RBFOX1: variants seen among roughly 807,000 people sequenced by gnomAD.
RBFOX1 encodes the protein RNA binding protein fox-1 homolog 1.
RBFOX1 carries 8 observed loss-of-function variants against 57.7 expected under a neutral mutation model. The ratio of observed to expected loss-of-function variants is 0.14; its 90% CI spans 0.08 to 0.25. RBFOX1 has a LOEUF of 0.25. Among genes scored for constraint, RBFOX1 ranks in the 10% least tolerant of loss-of-function variants. The probability of loss-of-function intolerance (pLI) is 1.00; values close to 1 mark genes in which losing one functional copy is unlikely to be tolerated. For missense variants in RBFOX1, 611 were observed against 548.5 expected (o/e 1.11, Z -1.14); for synonymous variants, 326 against 222.4 (o/e 1.47, Z -4.15).
intron 1 of RBFOX1, among the ~76,000 whole-genome samples, chr16:6,245,848 T>G (rs1463178472): frequency 6.6e-6 from 1 of 152,212 alleles, no homozygotes; most frequent in African/African-American, 2.4e-5. Flanking sequence ...TTCCCTGCCT[T>G]CATCAGGATC....
intron 4 of RBFOX1, among the ~76,000 whole-genome samples, chr16:7,083,056 G>A (rs1366512852): frequency 2.0e-5 from 3 of 152,042 alleles, no homozygotes; most frequent in Non-Finnish European, 4.4e-5. Flanking sequence ...AAGGTTTTGG[G>A]AGTGACAATA....
At chr16:5,457,175 C>T (rs952688121) in intron 1 of RBFOX1, among the ~76,000 whole-genome samples, 6 of 152,082 alleles carry the variant, frequency 3.9e-5, no homozygotes, top group African/African-American at 1.2e-4. Flanking sequence ...CTTGTTCTGC[C>T]ACCCAGACTG....
chr16:7,110,501 G>C (rs1303136283), intron 4 of RBFOX1, among the ~76,000 whole-genome samples: 1 of 152,176 alleles, frequency 6.6e-6, no homozygotes, highest in Non-Finnish European at 1.5e-5. Context: ...GAGAGCCTGA[G>C]CACAGTAGTT....
At chr16:5,801,882 G>A (rs1265610723) in intron 3 of RBFOX1, among the ~76,000 whole-genome samples, 6 of 152,156 alleles carry the variant, frequency 3.9e-5, no homozygotes, top group Admixed American at 3.9e-4. Context: ...TGTATGCAGG[G>A]CAGCTCTATA....
At chr16:7,262,534 T>A (rs1474269896) in intron 4 of RBFOX1, among the ~76,000 whole-genome samples, 1 of 152,272 alleles carries the variant, frequency 6.6e-6, no homozygotes, top group Non-Finnish European at 1.5e-5. Context: ...TTTGCAGGCA[T>A]GCATAGCACC....
chr16:6,076,884 C>G (rs781021097), intron 1 of RBFOX1, among the ~76,000 whole-genome samples: 7 of 152,146 alleles, frequency 4.6e-5, no homozygotes, highest in Non-Finnish European at 8.8e-5. Flanking sequence ...GGCTCCAAAG[C>G]TCTGGCTCAA....
chr16:7,662,658 A>C (rs193126405), intron 12 of RBFOX1, among the ~76,000 whole-genome samples: 23 of 152,318 alleles, frequency 1.5e-4, no homozygotes, highest in African/African-American at 5.3e-4. Flanking sequence ...AGTGGCTCTG[A>C]TAAGAGTCTG....
chr16:6,442,605 C>A (rs2094407796), intron 2 of RBFOX1, among the ~76,000 whole-genome samples: 1 of 151,894 alleles, frequency 6.6e-6, no homozygotes, highest in Admixed American at 6.6e-5. Context: ...CTGCTGTCTT[C>A]CTTCTCGTAA....
chr16:5,829,692 A>G (rs2056197402), intron 3 of RBFOX1, among the ~76,000 whole-genome samples: 1 of 152,134 alleles, frequency 6.6e-6, no homozygotes, highest in Admixed American at 6.5e-5. Flanking sequence ...ACGCAAGAGA[A>G]CAAAGGCATT....
chr16:5,548,728 C>A (rs4442812), intron 2 of RBFOX1, among the ~76,000 whole-genome samples: 40 of 152,086 alleles, frequency 2.6e-4, no homozygotes, highest in African/African-American at 9.6e-4. Flanking sequence ...ATTTCACTGT[C>A]TTGAGTGAGA....
chr16:5,920,099 A>C (rs2058789331), intron 4 of RBFOX1, among the ~76,000 whole-genome samples: 1 of 152,026 alleles, frequency 6.6e-6, no homozygotes, highest in African/African-American at 2.4e-5. Context: ...ACACCCAGCT[A>C]ATTTTTTGCA....
At chr16:5,939,508 C>G (rs371508801) in intron 4 of RBFOX1, among the ~76,000 whole-genome samples, 1 of 152,168 alleles carries the variant, frequency 6.6e-6, no homozygotes, top group African/African-American at 2.4e-5. Context: ...ACAGGACTGT[C>G]TGAGCATCCT....
At position 7,513,720 on chromosome 16, in the gene RBFOX1, C is replaced by T. The variant is rs553274382; in HGVS notation, c.28-4427C>T. On this transcript the variant is annotated intron_variant, in intron 4 of 15. Coordinates refer to ENST00000550418, the MANE Select transcript of RBFOX1 (RefSeq NM_018723.4). ...TATGAGGCGCCCAGCACAGTGCCTG[C>T]CACCTATTAGGTTTTCTTCTGAGGA... Among the ~76,000 whole-genome samples the T allele has an allele frequency of 2.6e-5, 4 of 152,252 alleles. 1 individual carries two copies. Among genetic ancestry groups the T allele is most frequent in the African/African-American group, 9.6e-5 (4 of 41,564 alleles).
chr16:7,571,306 TCAGA>T (rs1679691351), intron 5 of RBFOX1, among the ~76,000 whole-genome samples: 1 of 152,028 alleles, frequency 6.6e-6, no homozygotes, highest in Admixed American at 6.6e-5. Flanking sequence ...CTCCCTAGGG[TCAGA>T]CAGAGGAAAC....
At chr16:7,329,296 C>G (rs573660344) in intron 4 of RBFOX1, among the ~76,000 whole-genome samples, 5 of 152,242 alleles carry the variant, frequency 3.3e-5, no homozygotes, top group Admixed American at 2.0e-4. Context: ...CTGCCCCACT[C>G]TCCTTTCACC....
chr16:6,831,447 C>G (rs926413696), intron 3 of RBFOX1, among the ~76,000 whole-genome samples: 7 of 152,170 alleles, frequency 4.6e-5, no homozygotes, highest in Non-Finnish European at 1.0e-4. Context: ...CATAATTATA[C>G]CTCAGCAAAC....
At chr16:5,426,714 G>T (rs749729503) in intron 1 of RBFOX1, among the ~76,000 whole-genome samples, 1 of 152,092 alleles carries the variant, frequency 6.6e-6, no homozygotes, top group East Asian at 1.9e-4. Flanking sequence ...TTCTGTTATC[G>T]CTCCAGGGAA....
chr16:5,829,058 C>T (rs542758120), intron 3 of RBFOX1, among the ~76,000 whole-genome samples: 2 of 152,224 alleles, frequency 1.3e-5, no homozygotes, highest in African/African-American at 4.8e-5. Flanking sequence ...CAAGCCCTTT[C>T]CCTGTGCTGC....
At chr16:6,975,401 C>G (rs13338925) in intron 3 of RBFOX1, among the ~76,000 whole-genome samples, 6,057 of 152,042 alleles carry the variant, frequency 0.04, 405 homozygotes, top group African/African-American at 0.14. Context: ...AAGTAGCTGG[C>G]GTTACAGGCA....
Sources: allele counts gnomAD v4.1 joint callset (sites outside exome capture counted in the v4.1 genomes callset), GRCh38; gene constraint gnomAD v4.1.1; transcripts MANE v1.5; gene names NCBI Gene and HGNC (gene_info 2026-07-23, HGNC 2026-07-21).